Variants in ACVR1B observed in about 807,000 individuals in gnomAD.
ACVR1B encodes activin receptor type-1B.
Under a neutral mutation model 55.6 loss-of-function variants are expected in ACVR1B, and 15 were observed. That is an observed-to-expected ratio of 0.27 (90% CI 0.18 to 0.42). The LOEUF (loss-of-function observed/expected upper bound fraction) is 0.42. Among genes scored for constraint, ACVR1B ranks in the 10% least tolerant of loss-of-function variants. The probability of loss-of-function intolerance (pLI) is 1.00; values close to 1 mark genes in which losing one functional copy is unlikely to be tolerated. For synonymous variants in ACVR1B, 247 were observed against 254.6 expected (o/e 0.97, Z 0.28); for missense variants, 359 against 670.1 (o/e 0.54, Z 5.13).
intron 1 of ACVR1B, among the ~76,000 whole-genome samples, chr12:51,971,302 A>T (rs1343720273): frequency 6.6e-6 from 1 of 152,218 alleles, no homozygotes; most frequent in Non-Finnish European, 1.5e-5. Flanking sequence ...AAACCCTGCC[A>T]AGGTGGTTTT....
chr12:51,985,261 C>T lies in ACVR1B; in HGVS notation c.1049C>T (p.Ala350Val), dbSNP rs1343515978. The T allele has an allele frequency of 6.2e-7, 1 of 1,613,718 alleles. No homozygotes were observed. The highest frequency in any genetic ancestry group is 8.5e-7 in the Non-Finnish European group (1 of 1,179,914). ...CTGGTGAAGAAAAATGGCATGTGTG[C>T]CATAGCAGACCTGGGCCTGGCTGTC... ...NILVKKNGMC[A>V]IADLGLAVRH... The change falls in exon 6 of 9, where the codon GCC (alanine) becomes GTC (valine). Residue 350 changes from alanine to valine, a missense_variant. This residue lies in a region of ACVR1B where 119 missense variants were observed against 340.2 expected (regional missense o/e 0.35). Coordinates refer to ENST00000257963, the MANE Select transcript of ACVR1B (RefSeq NM_004302.5).
chr12:51,984,191 C>T lies in ACVR1B; in HGVS notation c.979+25C>T, dbSNP rs372961506. On this transcript the variant is annotated intron_variant, in intron 5 of 8. Transcript: ENST00000257963. Reference sequence around the variant, plus strand: ...GGTGAGTGGACTAGCGCAGGAGCGGCGAAGTGGTGTAGGCATGAAAGGTCC... The same window carrying T: ...GGTGAGTGGACTAGCGCAGGAGCGGTGAAGTGGTGTAGGCATGAAAGGTCC... 91 of 1,613,258 alleles carry T rather than the reference C, an allele frequency of 5.6e-5. No individual in the cohort carries two copies. The African/African-American group carries it at 8.8e-4, about 16-fold the overall frequency.
At chr12:51,986,759 G>A in intron 6 of ACVR1B, 59 bp from the exon 7 acceptor site, 4 of 1,558,732 alleles carry the variant, frequency 2.6e-6, no homozygotes, top group Non-Finnish European at 3.5e-6. Flanking sequence ...TCAATACTTT[G>A]ATTTAAAGAG....
At chr12:51,982,572 G>C in intron 4 of ACVR1B, 1 of 1,184,090 alleles carries the variant, frequency 8.4e-7, no homozygotes, top group Non-Finnish European at 1.1e-6. Flanking sequence ...CATTGTGGAA[G>C]GGTCTCTCTA....
In ACVR1B at chr12:51,951,850, G is replaced by C. The variant is rs767970155; in HGVS notation, c.91+16G>C. 2 of 1,257,972 alleles carry C rather than the reference G, an allele frequency of 1.6e-6. No homozygotes were observed. Among genetic ancestry groups the C allele is most frequent in the Admixed American group, 7.4e-5 (2 of 26,970 alleles). The allele number at this position is 1,257,972 out of a possible 1,614,324, so 77.9% of individuals were successfully genotyped here. A position where few individuals can be genotyped will look rare whatever the true frequency, so the allele number is the denominator to read the frequency against. On this transcript the variant is annotated intron_variant, in intron 1 of 8. Coordinates refer to ENST00000257963, the MANE Select transcript of ACVR1B (RefSeq NM_004302.5). ...GGGGTCCAGGGTGAGTCCTGGGACG[G>C]GGGGCGGGGGCCGGGATGGAGAGGG...
intron 1 of ACVR1B, among the ~76,000 whole-genome samples, chr12:51,974,836 G>C (rs1941816321): frequency 6.6e-6 from 1 of 152,176 alleles, no homozygotes; most frequent in Non-Finnish European, 1.5e-5. Flanking sequence ...TGCAGCAAAA[G>C]AATGTGTGAG....
At chr12:51,987,227 G>T in intron 7 of ACVR1B, 1 of 651,774 alleles carries the variant, frequency 1.5e-6, no homozygotes, top group Non-Finnish European at 2.8e-6. Flanking sequence ...CCGTGGCGGG[G>T]AGTGCCCCGG....
chr12:51,962,150 A>G (rs1941542364), intron 1 of ACVR1B, among the ~76,000 whole-genome samples: 1 of 152,230 alleles, frequency 6.6e-6, no homozygotes, highest in Non-Finnish European at 1.5e-5. Flanking sequence ...GGCAGTTTGT[A>G]GAATGGATAT....
chr12:51,957,136 C>T (rs1169125884), intron 1 of ACVR1B, among the ~76,000 whole-genome samples: 1 of 151,736 alleles, frequency 6.6e-6, no homozygotes, highest in Non-Finnish European at 1.5e-5. Flanking sequence ...GCTCTGTCAC[C>T]CAGGCTGTAT....
At position 51,994,358 on chromosome 12, in the gene ACVR1B, C is replaced by T; in HGVS notation, c.*248C>T. 4.4e-6 allele frequency: 2 copies of T among 450,672 alleles called. No homozygotes were observed. The highest frequency in any genetic ancestry group is 8.0e-6 in the Non-Finnish European group (2 of 250,368). 27.9% of individuals were successfully genotyped at this position (450,672 alleles called of 1,614,324 possible). ...AGCGAATTGTGTGGAGAACTCAGTGCCACACCTCGAACTGGTTGTAGTGGG... is the reference window on the plus strand; with the variant it reads ...AGCGAATTGTGTGGAGAACTCAGTGTCACACCTCGAACTGGTTGTAGTGGG... On this transcript the variant is annotated 3_prime_UTR_variant, in exon 9 of 9. Coordinates refer to ENST00000257963, the MANE Select transcript of ACVR1B (RefSeq NM_004302.5). This position sits in a 1 kb window ranked among gnomAD's most constrained non-coding sequence, Gnocchi z 4.2.
Position 51,975,399 on chromosome 12 carries a change from G to T in ACVR1B, c.226G>T (p.Val76Phe). 6.2e-7 allele frequency: 1 copy of T among 1,614,176 alleles called. No individual in the cohort carries two copies. Among genetic ancestry groups the T allele is most frequent in the Non-Finnish European group, 8.5e-7 (1 of 1,180,042 alleles). Residue 76 changes from valine (V) to phenylalanine (F), a missense_variant, in exon 2 of 9, where the codon GTC becomes TTC. Physicochemically the swap from Val to Phe is conservative, Grantham distance 50 (BLOSUM62 -1). This residue lies in a region of ACVR1B where 133 missense variants were observed against 188.2 expected (regional missense o/e 0.71). Coordinates refer to ENST00000257963, the MANE Select transcript of ACVR1B (RefSeq NM_004302.5). ...CACCTGCATCCCCAAAGTGGAGCTG[G>T]TCCCTGCCGGGAAGCCCTTCTACTG... ...VRTCIPKVEL[V>F]PAGKPFYCLS...
intron 1 of ACVR1B, among the ~76,000 whole-genome samples, chr12:51,969,502 AGT>A (rs1941704249): frequency 6.6e-6 from 1 of 152,228 alleles, no homozygotes; most frequent in Non-Finnish European, 1.5e-5. Flanking sequence ...CTATAATAAA[AGT>A]GGGCTACTGA....
intron 1 of ACVR1B, among the ~76,000 whole-genome samples, chr12:51,954,421 T>G (rs528918253): frequency 1.9e-4 from 29 of 152,338 alleles, no homozygotes; most frequent in Non-Finnish European, 3.5e-4. Flanking sequence ...ACAAGAGAGA[T>G]ATTTGACATT....
intron 8 of ACVR1B, 64 bp from the exon 9 acceptor site, chr12:51,993,921 C>A: frequency 6.3e-7 from 1 of 1,594,112 alleles, no homozygotes. Flanking sequence ...TGAGTGAGAG[C>A]CTAGGGACCA....
At chr12:51,973,218 C>G (rs1167035367) in intron 1 of ACVR1B, among the ~76,000 whole-genome samples, 1 of 152,182 alleles carries the variant, frequency 6.6e-6, no homozygotes, top group Non-Finnish European at 1.5e-5. Flanking sequence ...CTGGAGTGAG[C>G]GCTTTTCTGA....
At chr12:51,982,574 GTC>G (rs1941999608) in intron 4 of ACVR1B, 4 of 1,208,880 alleles carry the variant, frequency 3.3e-6, no homozygotes, top group African/African-American at 3.1e-5. Context: ...TTGTGGAAGG[GTC>G]TCTCTAGCAG....
intron 1 of ACVR1B, among the ~76,000 whole-genome samples, chr12:51,963,100 T>C (rs1392924380): frequency 6.6e-6 from 1 of 152,208 alleles, no homozygotes; most frequent in Non-Finnish European, 1.5e-5. Context: ...TAGGGATTTA[T>C]GGTAGTAATT....
Position 51,975,307 on chromosome 12 carries a change from C to T in ACVR1B, c.134C>T (p.Thr45Met), listed in dbSNP as rs768824636. ...ACCAGCTGCCTCCAGGCCAACTACA[C>T]GTGTGAGACAGATGGGGCCTGCATG... Reference protein sequence around the residue: ...ACTSCLQANYTCETDGACMVS... With the variant: ...ACTSCLQANYMCETDGACMVS... The change falls in exon 2 of 9, where the codon ACG becomes ATG. Residue 45 changes from threonine (T) to methionine (M), a missense_variant. Physicochemically the swap from Thr to Met is moderately conservative, Grantham distance 81. Around this residue, in one of 5 missense-constraint regions of ACVR1B, gnomAD observed 6 missense variants for 22.7 expected, o/e 0.26. Transcript: ENST00000257963. 8 of 1,613,920 alleles carry T rather than the reference C, an allele frequency of 5.0e-6. No individual in the cohort carries two copies. The highest frequency in any genetic ancestry group is 5.9e-6 in the Non-Finnish European group (7 of 1,180,040).
chr12:51,965,681 A>G (rs893408395), intron 1 of ACVR1B, among the ~76,000 whole-genome samples: 2 of 152,146 alleles, frequency 1.3e-5, no homozygotes, highest in Non-Finnish European at 2.9e-5. Flanking sequence ...TTGGGCTAGG[A>G]TAGGTATGAT....
Sources: allele counts gnomAD v4.1 joint callset (sites outside exome capture counted in the v4.1 genomes callset), GRCh38; gene constraint gnomAD v4.1.1; regional missense constraint gnomAD v4.1.1; non-coding constraint Gnocchi (gnomAD v3.1); transcripts MANE v1.5; gene names NCBI Gene and HGNC (gene_info 2026-07-23, HGNC 2026-07-21).